SLC17A1: variants seen among roughly 807,000 people sequenced by gnomAD.
SLC17A1 encodes solute carrier family 17 member 1, also known as sodium-dependent phosphate transport protein 1.
SLC17A1 carries 51 observed loss-of-function variants against 53.5 expected under a neutral mutation model. The observed-to-expected ratio is 0.95, with a 90% CI of 0.76 to 1.20. The LOEUF (loss-of-function observed/expected upper bound fraction) is 1.20. Ranked by LOEUF, SLC17A1 falls within the 50% of genes most tolerant of loss-of-function variation. The pLI is 0.00. For missense variants in SLC17A1, 538 were observed against 568.2 expected (o/e 0.95, Z 0.54); for synonymous variants, 179 against 198.8 (o/e 0.90, Z 0.84).
intron 12 of SLC17A1, among the ~76,000 whole-genome samples, chr6:25,787,218 T>G (rs1184085756): frequency 6.6e-6 from 1 of 152,024 alleles, no homozygotes; most frequent in Non-Finnish European, 1.5e-5. Flanking sequence ...CCAGGTGCAG[T>G]GGCTCACATC....
the SLC17A1 span, among the ~76,000 whole-genome samples, chr6:25,753,605 T>C: frequency 5.3e-5 from 8 of 152,242 alleles, no homozygotes; most frequent in South Asian, 2.1e-4. Context: ...TGATAGAACA[T>C]ACTGTTGGAA....
At chr6:25,776,697 A>C in the SLC17A1 span, 1 of 1,613,974 alleles carries the variant, frequency 6.2e-7, no homozygotes, top group South Asian at 1.1e-5. Flanking sequence ...CCTCAGACTC[A>C]TCACCATCAG....
At chr6:25,769,526 C>A in the SLC17A1 span, among the ~76,000 whole-genome samples, 1 of 150,710 alleles carries the variant, frequency 6.6e-6, no homozygotes, top group Non-Finnish European at 1.5e-5. Context: ...CCACTGCACT[C>A]CGGTCTGGGT....
chr6:25,830,730 C>T (rs1581508200), intron 1 of SLC17A1, 123 bp from the exon 2 acceptor site: 1 of 533,204 alleles, frequency 1.9e-6, no homozygotes, highest in East Asian at 2.8e-5. Flanking sequence ...ACAGCAGTGC[C>T]CATTCACCTC....
chr6:25,733,729 T>C, the SLC17A1 span, among the ~76,000 whole-genome samples: 1 of 152,006 alleles, frequency 6.6e-6, no homozygotes, highest in Non-Finnish European at 1.5e-5. Flanking sequence ...TTTATAAGTA[T>C]AAAGATACTA....
the SLC17A1 span, chr6:25,732,070 T>G: frequency 1.7e-6 from 2 of 1,204,144 alleles, no homozygotes; most frequent in Non-Finnish European, 2.3e-6. Context: ...TTGCGGCATC[T>G]CTTGCGCTTT....
intron 10 of SLC17A1, among the ~76,000 whole-genome samples, chr6:25,802,682 A>G (rs1012332099): frequency 2.6e-5 from 4 of 151,990 alleles, no homozygotes; most frequent in Admixed American, 6.6e-5. Context: ...AGAGATATCA[A>G]TTGATTGGCT....
the SLC17A1 span, among the ~76,000 whole-genome samples, chr6:25,767,697 G>C: frequency 6.6e-6 from 1 of 152,224 alleles, no homozygotes; most frequent in African/African-American, 2.4e-5. Context: ...AGCAGTCTCA[G>C]TAAATGCAAA....
the SLC17A1 span, among the ~76,000 whole-genome samples, chr6:25,743,621 T>C: frequency 6.6e-6 from 1 of 152,156 alleles, no homozygotes; most frequent in Non-Finnish European, 1.5e-5. Context: ...AATTAAGTAG[T>C]TTATTAAGAA....
chr6:25,770,398 T>C, the SLC17A1 span: 1 of 1,614,126 alleles, frequency 6.2e-7, no homozygotes. Flanking sequence ...TGGTATTAAC[T>C]GGTCAGTATT....
At chr6:25,830,252 A>G (rs542128768) in intron 2 of SLC17A1, among the ~76,000 whole-genome samples, 51 of 152,302 alleles carry the variant, frequency 3.3e-4, no homozygotes, top group African/African-American at 1.2e-3. Context: ...TGGAACCAAA[A>G]TAGCCCAGTT....
chr6:25,735,621 C>T, the SLC17A1 span, among the ~76,000 whole-genome samples: 1 of 151,674 alleles, frequency 6.6e-6, no homozygotes, highest in African/African-American at 2.4e-5. Flanking sequence ...ATTCCATGAC[C>T]AAAGTCACAG....
the SLC17A1 span, chr6:25,754,587 G>A: frequency 1.3e-5 from 2 of 152,132 alleles, no homozygotes; most frequent in Non-Finnish European, 2.9e-5. Flanking sequence ...GATTTAATGA[G>A]CTTGATTTGA....
chr6:25,814,781 C>T (rs1764278516), intron 6 of SLC17A1, among the ~76,000 whole-genome samples: 1 of 152,094 alleles, frequency 6.6e-6, no homozygotes, highest in African/African-American at 2.4e-5. Flanking sequence ...GTCAGGAGTT[C>T]ATGACCAGCC....
chr6:25,739,790 G>T, the SLC17A1 span, among the ~76,000 whole-genome samples: 1 of 152,150 alleles, frequency 6.6e-6, no homozygotes, highest in Non-Finnish European at 1.5e-5. Context: ...GGATGGTGAG[G>T]CTGAGGGGAT....
intron 6 of SLC17A1, among the ~76,000 whole-genome samples, chr6:25,816,155 C>G (rs1483247316): frequency 6.6e-6 from 1 of 152,050 alleles, no homozygotes; most frequent in Non-Finnish European, 1.5e-5. Flanking sequence ...AAAAAAATGA[C>G]CTGAAGAGTC....
chr6:25,802,862 T>A (rs534672215), intron 10 of SLC17A1, among the ~76,000 whole-genome samples: 1 of 151,710 alleles, frequency 6.6e-6, no homozygotes, highest in East Asian at 1.9e-4. Context: ...ACTAGATAGG[T>A]TTAGGTGTGA....
downstream of SLC17A1, among the ~76,000 whole-genome samples, chr6:25,782,643 C>T (rs80098343): frequency 5.5e-3 from 841 of 152,196 alleles, 3 homozygotes; most frequent in Non-Finnish European, 9.2e-3. Context: ...GGGTCTGCTC[C>T]GTATCATTTC....
At chr6:25,771,043 A>G in the SLC17A1 span, 3 of 1,547,988 alleles carry the variant, frequency 1.9e-6, no homozygotes, top group Non-Finnish European at 2.7e-6. Flanking sequence ...TCCAATTTTT[A>G]TGACAGAGAC....
Sources: gnomAD v4.1 joint callset for allele counts (sites outside exome capture counted in the v4.1 genomes callset) on GRCh38, gnomAD v4.1.1 for gene constraint, MANE v1.5 for transcripts, NCBI Gene and HGNC (gene_info 2026-07-23, HGNC 2026-07-21) for gene names.